The following TRPC6 variants were observed in gnomAD, a reference collection of about 807,000 sequenced individuals.
TRPC6 encodes short transient receptor potential channel 6.
In TRPC6, 55 loss-of-function variants were observed where a neutral mutation model predicts 90.7. That is an observed-to-expected ratio of 0.61 (90% CI 0.49 to 0.76). The LOEUF (loss-of-function observed/expected upper bound fraction) is 0.76. Ranked by LOEUF, TRPC6 falls within the 30% of genes least tolerant of loss-of-function variation. The probability of loss-of-function intolerance (pLI) is 0.00; values close to 1 mark genes in which losing one functional copy is unlikely to be tolerated. For missense variants in TRPC6, 989 were observed against 1,122.7 expected (o/e 0.88, Z 1.70); for synonymous variants, 393 against 393.0 (o/e 1.00, Z 0.00).
At chr11:101,532,219 TA>T (rs1001525081) in intron 1 of TRPC6, among the ~76,000 whole-genome samples, 2 of 152,172 alleles carry the variant, frequency 1.3e-5, no homozygotes, top group African/African-American at 4.8e-5. Flanking sequence ...TAAAATTATA[TA>T]AGTGCAAAAA....
intron 1 of TRPC6, among the ~76,000 whole-genome samples, chr11:101,540,368 T>C (rs191188598): frequency 6.6e-6 from 1 of 152,332 alleles, no homozygotes; most frequent in African/African-American, 2.4e-5. Context: ...AATTAAATAA[T>C]CTTCTGATAT....
Position 101,532,218 on chromosome 11 carries a change from A to G in TRPC6, c.171-27420T>C, listed in dbSNP as rs145907949. 8.0e-3 allele frequency among the ~76,000 whole-genome samples: 1,214 copies of G among 152,330 alleles called. 13 individuals are homozygous for G. The highest frequency in any genetic ancestry group is 0.014 in the Non-Finnish European group (931 of 68,022). On this transcript the variant is annotated intron_variant, in intron 1 of 12. Transcript: ENST00000344327. ...CTGTAGCAAAGGTCCCTAAAATTAT[A>G]TAAGTGCAAAAATCCAAAACCTAAA... is the stretch of plus-strand genomic sequence containing the variant.
At chr11:101,553,342 T>C (rs1313726882) in intron 1 of TRPC6, among the ~76,000 whole-genome samples, 1 of 152,090 alleles carries the variant, frequency 6.6e-6, no homozygotes, top group East Asian at 1.9e-4. Context: ...TTTCTTTTGT[T>C]TCCTCCTGAC....
intron 7 of TRPC6, 88 bp from the exon 8 acceptor site, chr11:101,472,420 T>A (rs1376653612): frequency 7.6e-6 from 10 of 1,308,928 alleles, no homozygotes; most frequent in African/African-American, 3.0e-5. Flanking sequence ...TTGTTTAGTG[T>A]CTGCAAATTA....
chr11:101,488,214 C>G (rs972373452), intron 4 of TRPC6, among the ~76,000 whole-genome samples: 4 of 152,176 alleles, frequency 2.6e-5, no homozygotes, highest in African/African-American at 9.7e-5. Flanking sequence ...ATGCAAGACA[C>G]AAATTTCTCT....
chr11:101,459,685 ATTTTAT>A (rs1200087421), intron 10 of TRPC6, among the ~76,000 whole-genome samples: 1 of 152,038 alleles, frequency 6.6e-6, no homozygotes, highest in African/African-American at 2.4e-5. Flanking sequence ...AGGCATTTTG[ATTTTAT>A]TTTAATTTTT....
intron 12 of TRPC6, 117 bp from the exon 13 acceptor site, chr11:101,453,223 T>A (rs562148040): frequency 1.8e-5 from 19 of 1,073,412 alleles, no homozygotes; most frequent in Non-Finnish European, 2.5e-5. Context: ...TTTGAATCCT[T>A]TGAAAGGAAA....
intron 1 of TRPC6, among the ~76,000 whole-genome samples, chr11:101,544,275 G>A: frequency 6.6e-6 from 1 of 152,172 alleles, no homozygotes; most frequent in East Asian, 1.9e-4. Flanking sequence ...CTCTTACACT[G>A]TTGGTGGCAG....
chr11:101,566,684 C>G (rs6590888), intron 1 of TRPC6, among the ~76,000 whole-genome samples: 94,076 of 151,988 alleles, frequency 0.62, 29,323 homozygotes, highest in Non-Finnish European at 0.66. Flanking sequence ...GAGGTACCCA[C>G]TTCATCTCAC....
intron 1 of TRPC6, among the ~76,000 whole-genome samples, chr11:101,519,426 C>A (rs557665206): frequency 1.3e-5 from 2 of 152,156 alleles, no homozygotes; most frequent in Non-Finnish European, 1.5e-5. Flanking sequence ...TTCTATTTCT[C>A]TGTTTTAACT....
chr11:101,523,658 C>A (rs1009901019), intron 1 of TRPC6, among the ~76,000 whole-genome samples: 8 of 152,146 alleles, frequency 5.3e-5, no homozygotes, highest in Non-Finnish European at 7.4e-5. Flanking sequence ...GAGTTCATTT[C>A]ACAGATACTT....
intron 12 of TRPC6, among the ~76,000 whole-genome samples, chr11:101,453,368 G>C (rs1858807768): frequency 6.6e-6 from 1 of 152,142 alleles, no homozygotes; most frequent in South Asian, 2.1e-4. Context: ...CAGGGGTTGA[G>C]GCAGCAGCCC....
chr11:101,566,688 A>G (rs1846510787), intron 1 of TRPC6, among the ~76,000 whole-genome samples: 1 of 152,178 alleles, frequency 6.6e-6, no homozygotes, highest in African/African-American at 2.4e-5. Context: ...TACCCACTTC[A>G]TCTCACTGGG....
chr11:101,500,907 T>C (rs1860104227), intron 2 of TRPC6, among the ~76,000 whole-genome samples: 1 of 152,168 alleles, frequency 6.6e-6, no homozygotes, highest in Admixed American at 6.6e-5. Flanking sequence ...GTCCTTTGCA[T>C]ATATCTGAAG....
At chr11:101,488,151 TA>T (rs1859719889) in intron 4 of TRPC6, among the ~76,000 whole-genome samples, 1 of 152,198 alleles carries the variant, frequency 6.6e-6, no homozygotes, top group African/African-American at 2.4e-5. Context: ...CTCTCAGAGT[TA>T]AACAGATCCA....
At chr11:101,500,988 T>G (rs1444553095) in intron 2 of TRPC6, among the ~76,000 whole-genome samples, 1 of 152,130 alleles carries the variant, frequency 6.6e-6, no homozygotes, top group Admixed American at 6.6e-5. Context: ...TTAAAAATAT[T>G]TATACTCACA....
intron 1 of TRPC6, among the ~76,000 whole-genome samples, chr11:101,549,832 A>T (rs1861412116): frequency 6.6e-6 from 1 of 151,076 alleles, no homozygotes; most frequent in African/African-American, 2.4e-5. Context: ...ACAATTTTTA[A>T]AATATAATTA....
chr11:101,465,001 T>C (rs1189962705), intron 10 of TRPC6, among the ~76,000 whole-genome samples: 1 of 152,176 alleles, frequency 6.6e-6, no homozygotes, highest in Non-Finnish European at 1.5e-5. Context: ...TGACAAAATC[T>C]CTCAGCATTT....
At chr11:101,549,784 C>T (rs1861411207) in intron 1 of TRPC6, among the ~76,000 whole-genome samples, 1 of 149,542 alleles carries the variant, frequency 6.7e-6, no homozygotes, top group Non-Finnish European at 1.5e-5. Context: ...CTATTATGGC[C>T]CTAATAGATA....
Sources: allele counts gnomAD v4.1 joint callset (sites outside exome capture counted in the v4.1 genomes callset), GRCh38; gene constraint gnomAD v4.1.1; transcripts MANE v1.5; gene names NCBI Gene and HGNC (gene_info 2026-07-23, HGNC 2026-07-21).